Variants in DENND6B observed in about 807,000 individuals in gnomAD.
The protein encoded by DENND6B is DENN domain containing 6B, also known as protein DENND6B.
Under a neutral mutation model 85.1 loss-of-function variants are expected in DENND6B, and 73 were observed. The ratio of observed to expected loss-of-function variants is 0.86; its 90% CI spans 0.71 to 1.04. The LOEUF is 1.04. Ranked by LOEUF, DENND6B falls within the 50% of genes least tolerant of loss-of-function variation. DENND6B has a pLI of 0.00. For missense variants in DENND6B, 715 were observed against 785.8 expected, an observed-to-expected ratio of 0.91 and a Z score of 1.08; for synonymous variants, 357 against 329.3, an observed-to-expected ratio of 1.08 and a Z score of -0.91.
chr22:50,313,364 C>G, intron 16 of DENND6B, 82 bp downstream of exon 16: 4 of 1,492,212 alleles, frequency 2.7e-6, no homozygotes, highest in Non-Finnish European at 3.6e-6. Context: ...GCCACAGCCT[C>G]CTGCTCCAGA....
Position 50,312,112 on chromosome 22 carries a change from C to A in DENND6B, c.*27G>T. The A allele has an allele frequency of 6.2e-7, 1 of 1,609,984 alleles. No individual in the cohort carries two copies. Among genetic ancestry groups the A allele is most frequent in the Non-Finnish European group, 8.5e-7 (1 of 1,178,630 alleles). The stretch of plus-strand genomic sequence containing the variant: ...TGGGAGGCTCAGGCAGACCTAGGGC[C>A]CTGGGACCGTGGCCCTTGGCTTTGT... On this transcript the variant is annotated 3_prime_UTR_variant, in exon 20 of 20. Coordinates refer to ENST00000413817, the MANE Select transcript of DENND6B (RefSeq NM_001001794.4).
chr22:50,320,396 G>T (rs2042006288), intron 1 of DENND6B, among the ~76,000 whole-genome samples: 1 of 152,238 alleles, frequency 6.6e-6, no homozygotes, highest in Non-Finnish European at 1.5e-5. Context: ...TGTGAAAATA[G>T]CCCTGCTCTT....
intron 4 of DENND6B, among the ~76,000 whole-genome samples, 169 bp from the exon 5 acceptor site, chr22:50,317,542 G>A (rs905877557): frequency 1.3e-5 from 2 of 152,130 alleles, no homozygotes; most frequent in Non-Finnish European, 2.9e-5. Context: ...GTGGAGGCCA[G>A]GAGGTCCTGG....
At chr22:50,326,770 A>G in intron 1 of DENND6B, 42 bp downstream of exon 1, 1 of 1,325,816 alleles carries the variant, frequency 7.5e-7, no homozygotes, top group Non-Finnish European at 9.6e-7. Flanking sequence ...CGAGAGGCGC[A>G]GCCCTGCCCA....
At chr22:50,318,054 G>T (rs1386216348) in intron 3 of DENND6B, 34 bp from the exon 4 acceptor site, 8 of 1,604,618 alleles carry the variant, frequency 5.0e-6, no homozygotes, top group Non-Finnish European at 6.8e-6. Flanking sequence ...ACGGGTCAAG[G>T]CCGGGAGCCT....
At chr22:50,316,833 C>T in intron 5 of DENND6B, 1 of 1,079,302 alleles carries the variant, frequency 9.3e-7, no homozygotes, top group Non-Finnish European at 1.2e-6. Context: ...AGTGTGATGA[C>T]CCTCCAGCCA....
rs1346219099 is a variant in DENND6B at position 50,312,522 on chromosome 22, C to G, written c.1560+1G>C. On this transcript the variant is annotated splice_donor_variant, in intron 18 of 19. Coordinates refer to ENST00000413817, the MANE Select transcript of DENND6B (RefSeq NM_001001794.4). LOFTEE classifies it high-confidence loss of function. ...CCTCCCCAACCCCCAGCCTCTCTCA[C>G]CGCCTCACAGATAGCCTCCAGGTGC... The G allele has an allele frequency of 1.3e-6, 2 of 1,583,970 alleles. No homozygotes were observed. Among genetic ancestry groups the G allele is most frequent in the Admixed American group, 1.8e-5 (1 of 55,388 alleles).
chr22:50,318,054 G>A (rs1386216348), intron 3 of DENND6B, 34 bp from the exon 4 acceptor site: 2 of 1,604,618 alleles, frequency 1.2e-6, no homozygotes, highest in African/African-American at 1.3e-5. Context: ...ACGGGTCAAG[G>A]CCGGGAGCCT....
chr22:50,324,720 A>G (rs955969696), intron 1 of DENND6B, among the ~76,000 whole-genome samples: 2 of 152,278 alleles, frequency 1.3e-5, no homozygotes, highest in African/African-American at 4.8e-5. Context: ...CACCATGCCC[A>G]GCCTTCAAAG....
At chr22:50,316,344 G>A (rs1171063843) in intron 6 of DENND6B, 26 bp downstream of exon 6, 10 of 1,563,750 alleles carry the variant, frequency 6.4e-6, no homozygotes, top group East Asian at 2.4e-5. Context: ...ATGAGACCAC[G>A]ATGGCCACGA....
At position 50,313,059 on chromosome 22, in the gene DENND6B, A is replaced by T; in HGVS notation, c.1397T>A (p.Leu466Gln). The part of the protein sequence containing the change: ...PFSQDDFLRS[L>Q]EHAGPQLTCI... ...GGTGAGCTGGGGCCCAGCATGCTCC[A>T]GGCTACGCAGGAAGTCATCCTGGCT... Residue 466 changes from leucine to glutamine, a missense_variant, in exon 17 of 20, where the codon CTG becomes CAG. By Grantham distance (113) the Leu-to-Gln change is moderately radical. Transcript: ENST00000413817. The T allele has an allele frequency of 2.6e-6, 4 of 1,560,748 alleles. No individual in the cohort carries two copies. Among genetic ancestry groups the T allele is most frequent in the Non-Finnish European group, 3.5e-6 (4 of 1,153,158 alleles).
intron 1 of DENND6B, 130 bp downstream of exon 1, chr22:50,326,682 G>A: frequency 1.3e-6 from 1 of 784,258 alleles, no homozygotes; most frequent in Non-Finnish European, 1.7e-6. Flanking sequence ...CGGAGAAGAG[G>A]CCCCTCCAGG....
intron 4 of DENND6B, 37 bp downstream of exon 4, chr22:50,317,871 G>A (rs1313707606): frequency 1.9e-6 from 3 of 1,577,652 alleles, no homozygotes; most frequent in Non-Finnish European, 2.6e-6. Flanking sequence ...TTGGGGAGCA[G>A]GGGAGAAGCA....
At position 50,313,061 on chromosome 22, in the gene DENND6B, G is replaced by A. The variant is rs2068103976; in HGVS notation, c.1395C>T (p.Ser465=). 2 of 1,561,194 alleles carry A rather than the reference G, an allele frequency of 1.3e-6. No homozygotes were observed. The highest frequency in any genetic ancestry group is 1.2e-5 in the South Asian group (1 of 84,584). The change falls in exon 17 of 20, where the codon AGC becomes AGT. Residue 465 remains serine (S), a synonymous_variant. Transcript: ENST00000413817. ...TGAGCTGGGGCCCAGCATGCTCCAG[G>A]CTACGCAGGAAGTCATCCTGGCTGA... The part of the protein sequence containing the change: ...QPFSQDDFLR[S]LEHAGPQLTC...
chr22:50,313,203 AC>A (rs2147765859), intron 16 of DENND6B, 95 bp from the exon 17 acceptor site: 2 of 1,297,760 alleles, frequency 1.5e-6, no homozygotes, highest in Non-Finnish European at 2.1e-6. Flanking sequence ...ACTTCTGAAG[AC>A]CCCCAGCCCC....
intron 1 of DENND6B, chr22:50,319,336 T>C: frequency 1.0e-6 from 1 of 985,304 alleles, no homozygotes; most frequent in Non-Finnish European, 1.2e-6. Context: ...GAGGCTTCTC[T>C]ACTCCCACCT....
Position 50,314,307 on chromosome 22 carries a change from C to T in DENND6B, c.1073-35G>A, listed in dbSNP as rs867604472. On this transcript the variant is annotated intron_variant, in intron 12 of 19. Transcript: ENST00000413817. ...ACGCCCGGTGGCCAGGCCTCAGTGC[C>T]CGCAGCTCTGGCCATCCCCACGGGC... The T allele has an allele frequency of 5.0e-6, 8 of 1,602,924 alleles. No individual in the cohort carries two copies. The African/African-American group carries it at 5.4e-5, about 11-fold the overall frequency.
chr22:50,309,262 C>T lies in DENND6B; in HGVS notation c.*2877G>A, dbSNP rs1217214183. ...CTGTCCTTCGGGAGGCCTGTGACCA[C>T]AGCAGTCCTCACCCTCGCCAACTAA... On this transcript the variant is annotated 3_prime_UTR_variant, in exon 20 of 20. Coordinates refer to ENST00000413817, the MANE Select transcript of DENND6B (RefSeq NM_001001794.4). The T allele has an allele frequency of 6.6e-6, 1 of 152,332 alleles. No homozygotes were observed. Among genetic ancestry groups the T allele is most frequent in the Admixed American group, 6.5e-5 (1 of 15,288 alleles). The allele number at this position is 152,332 out of a possible 1,614,324, so 9.4% of individuals were successfully genotyped here. A position where few individuals can be genotyped will look rare whatever the true frequency, so the allele number is the denominator to read the frequency against.
intron 15 of DENND6B, 54 bp from the exon 16 acceptor site, chr22:50,313,553 T>TCCCCCC: frequency 2.9e-6 from 2 of 698,182 alleles, no homozygotes; most frequent in South Asian, 2.7e-5. Context: ...CCCAGCCCCA[T>TCCCCCC]CCCCCGCAGC....
Sources: allele counts gnomAD v4.1 joint callset (sites outside exome capture counted in the v4.1 genomes callset), GRCh38; gene constraint gnomAD v4.1.1; transcripts MANE v1.5; gene names NCBI Gene and HGNC (gene_info 2026-07-23, HGNC 2026-07-21).